PCDHGB2: variants seen among roughly 807,000 people sequenced by gnomAD.
PCDHGB2 encodes protocadherin gamma subfamily B, 2, also known as protocadherin gamma-B2.
PCDHGB2 carries 55 observed loss-of-function variants against 59.3 expected under a neutral mutation model. That is an observed-to-expected ratio of 0.93 (90% CI 0.75 to 1.16). The LOEUF (loss-of-function observed/expected upper bound fraction) is 1.16, where lower values mean the gene tolerates loss of function less well. Ranked by LOEUF, PCDHGB2 falls within the 50% of genes most tolerant of loss-of-function variation. The probability of loss-of-function intolerance (pLI) is 0.00; values close to 1 mark genes in which losing one functional copy is unlikely to be tolerated. For missense variants in PCDHGB2, 1,228 were observed against 1,198.5 expected, an observed-to-expected ratio of 1.02 and a Z score of -0.36; for synonymous variants, 516 against 512.0, an observed-to-expected ratio of 1.01 and a Z score of -0.11.
Position 141,511,225 on chromosome 5 carries a change from C to T in PCDHGB2, c.*52C>T, listed in dbSNP as rs2099883678. On this transcript the variant is annotated 3_prime_UTR_variant, in exon 4 of 4. Transcript: ENST00000522605. Reference sequence around the variant, plus strand: ...GGCGGCCTCTCCCCAACCAGCCCAGCTTCTCCTTACCTGCACCCAGGCCTC... The same window carrying T: ...GGCGGCCTCTCCCCAACCAGCCCAGTTTCTCCTTACCTGCACCCAGGCCTC... 1.9e-6 allele frequency: 3 copies of T among 1,601,506 alleles called. No individual in the cohort carries two copies. Among genetic ancestry groups the T allele is most frequent in the Non-Finnish European group, 2.6e-6 (3 of 1,174,170 alleles).
Position 141,511,107 on chromosome 5 carries a change from G to A in PCDHGB2, c.2730G>A (p.Arg910=), listed in dbSNP as rs2099883608. 1 of 1,614,220 alleles carries A rather than the reference G, an allele frequency of 6.2e-7. No homozygotes were observed. Among genetic ancestry groups the A allele is most frequent in the Non-Finnish European group, 8.5e-7 (1 of 1,180,020 alleles). Residue 910 remains arginine, a synonymous_variant, in exon 4 of 4, where the codon CGG becomes CGA. Coordinates refer to ENST00000522605, the MANE Select transcript of PCDHGB2 (RefSeq NM_018923.3). Reference sequence around the variant, plus strand: ...CACTGACCAACGCAGCTGGCAAGCGGGATGGCAAGGCCCCAGCAGGTGGCA... The same window carrying A: ...CACTGACCAACGCAGCTGGCAAGCGAGATGGCAAGGCCCCAGCAGGTGGCA... The part of the protein sequence containing the change: ...NATLTNAAGK[R]DGKAPAGGNG...
chr5:141,469,394 G>A lies in PCDHGB2; in HGVS notation c.2422-25413G>A, dbSNP rs550152670. Among the ~76,000 whole-genome samples the A allele has an allele frequency of 2.5e-4, 38 of 152,198 alleles. 1 individual carries two copies. The highest frequency in any genetic ancestry group is 8.4e-4 in the African/African-American group (35 of 41,514). On this transcript the variant is annotated intron_variant, in intron 1 of 3. Coordinates refer to ENST00000522605, the MANE Select transcript of PCDHGB2 (RefSeq NM_018923.3). ...GATCGAGACCATCCTGGCCAACATG[G>A]TGAAACCCCGTTTCTACTAAAAATA...
At chr5:141,366,053 G>T in intron 1 of PCDHGB2, 1 of 1,614,252 alleles carries the variant, frequency 6.2e-7, no homozygotes, top group Non-Finnish European at 8.5e-7. Context: ...TTCCACGGGC[G>T]TGGAGCTGGC....
At chr5:141,370,997 C>G in intron 1 of PCDHGB2, 5 of 1,613,984 alleles carry the variant, frequency 3.1e-6, no homozygotes, top group Non-Finnish European at 4.2e-6. Context: ...CACCCCTGGA[C>G]AGGGAAGAGC....
At chr5:141,383,059 C>A (rs1778767353) in intron 1 of PCDHGB2, 1 of 1,613,894 alleles carries the variant, frequency 6.2e-7, no homozygotes, top group Non-Finnish European at 8.5e-7. Flanking sequence ...GGACCTGGGG[C>A]TGGAGCCCCG....
Position 141,489,866 on chromosome 5 carries a change from A to AGCTGGT in PCDHGB2, c.2422-4937_2422-4932dup. ...GATCGTGAAGCCCAGGCAAGACATC[A>AGCTGGT]GCTGGTGCTTACTGCTGTGGATGGG... On this transcript the variant is annotated intron_variant, in intron 1 of 3. Coordinates refer to ENST00000522605, the MANE Select transcript of PCDHGB2 (RefSeq NM_018923.3). The surrounding 1 kb of genome is among the most constrained non-coding windows in gnomAD (Gnocchi z 4.5). The AGCTGGT allele has an allele frequency of 1.2e-6, 2 of 1,614,220 alleles. No individual in the cohort carries two copies. The highest frequency in any genetic ancestry group is 1.7e-6 in the Non-Finnish European group (2 of 1,180,018).
At chr5:141,392,744 CG>C (rs2092583694) in intron 1 of PCDHGB2, 1 of 1,439,038 alleles carries the variant, frequency 6.9e-7, no homozygotes, top group East Asian at 2.5e-5. Context: ...TCCATAGCTG[CG>C]GCAAGAAACT....
chr5:141,366,489 A>C (rs1280216684), intron 1 of PCDHGB2: 1 of 1,614,236 alleles, frequency 6.2e-7, no homozygotes, highest in Non-Finnish European at 8.5e-7. Flanking sequence ...AGGCGCTGGC[A>C]CAAGTCACGC....
At chr5:141,390,596 C>T (rs2092187528) in intron 1 of PCDHGB2, 1 of 329,834 alleles carries the variant, frequency 3.0e-6, no homozygotes. Context: ...GAGATTTTTC[C>T]TATACATTTT....
chr5:141,445,889 C>A (rs920382027), intron 1 of PCDHGB2, among the ~76,000 whole-genome samples: 6 of 152,110 alleles, frequency 3.9e-5, no homozygotes, highest in African/African-American at 1.4e-4. Context: ...TACTTAGGAG[C>A]TATTAAAATA....
chr5:141,438,789 G>C (rs970735448), intron 1 of PCDHGB2, among the ~76,000 whole-genome samples: 23 of 149,578 alleles, frequency 1.5e-4, no homozygotes, highest in African/African-American at 5.4e-4. Flanking sequence ...AGCCTCTCCA[G>C]TAGCTGGGAT....
chr5:141,413,599 C>G, intron 1 of PCDHGB2: 2 of 1,613,830 alleles, frequency 1.2e-6, no homozygotes, highest in East Asian at 2.2e-5. Flanking sequence ...AGCAGAAAAT[C>G]TAGACGTAAA....
intron 1 of PCDHGB2, chr5:141,400,083 C>T (rs1396687812): frequency 6.2e-7 from 1 of 1,614,048 alleles, no homozygotes; most frequent in Non-Finnish European, 8.5e-7. Context: ...CACTCTCCGC[C>T]ACCGCCACGC....
intron 1 of PCDHGB2, chr5:141,392,496 T>C (rs1357893523): frequency 4.6e-6 from 1 of 215,562 alleles, no homozygotes; most frequent in Non-Finnish European, 9.1e-6. Context: ...AATAAGCAAA[T>C]GATTTTTTTT....
chr5:141,469,036 G>T (rs1396748159), intron 1 of PCDHGB2, among the ~76,000 whole-genome samples: 2 of 152,076 alleles, frequency 1.3e-5, no homozygotes, highest in Non-Finnish European at 2.9e-5. Flanking sequence ...CAGCACTTTG[G>T]GAGGCCAAGG....
intron 1 of PCDHGB2, chr5:141,402,800 C>T: frequency 1.9e-6 from 2 of 1,072,726 alleles, no homozygotes; most frequent in African/African-American, 1.6e-5. Flanking sequence ...ACACAAAACC[C>T]GGCAGATACC....
chr5:141,432,096 A>G lies in PCDHGB2; in HGVS notation c.2422-62711A>G, dbSNP rs763154183. On this transcript the variant is annotated intron_variant, in intron 1 of 3. Transcript: ENST00000522605. This position sits in a 1 kb window ranked among gnomAD's most constrained non-coding sequence, Gnocchi z 6.0. Reference sequence around the variant, plus strand: ...ATCTCGCTGAACGTGGCAGACACCAACGACAACCCGCCGGTCTTCCCTCAG... The same window carrying G: ...ATCTCGCTGAACGTGGCAGACACCAGCGACAACCCGCCGGTCTTCCCTCAG... The G allele has an allele frequency of 1.9e-6, 3 of 1,613,944 alleles. No homozygotes were observed. Among genetic ancestry groups the G allele is most frequent in the East Asian group, 2.2e-5 (1 of 44,870 alleles).
At chr5:141,363,480 A>G (rs565177899) in intron 1 of PCDHGB2, among the ~76,000 whole-genome samples, 1 of 152,366 alleles carries the variant, frequency 6.6e-6, no homozygotes, top group East Asian at 1.9e-4. Flanking sequence ...GCTTTCCTGC[A>G]TGGATGATGA....
chr5:141,360,063 A>C lies in PCDHGB2; in HGVS notation c.-73A>C. Reference sequence around the variant, plus strand: ...ACAGAAAACAAAAGCAGGAAAAGTGACCTTAGCCCGGATTCTGCCATCCCC... The same window carrying C: ...ACAGAAAACAAAAGCAGGAAAAGTGCCCTTAGCCCGGATTCTGCCATCCCC... On this transcript the variant is annotated 5_prime_UTR_variant, in exon 1 of 4. Transcript: ENST00000522605. The C allele has an allele frequency of 6.9e-7, 1 of 1,455,012 alleles. No homozygotes were observed. Among genetic ancestry groups the C allele is most frequent in the Non-Finnish European group, 9.1e-7 (1 of 1,100,474 alleles). 90.1% of individuals were successfully genotyped at this position (1,455,012 alleles called of 1,614,324 possible). A position where few individuals can be genotyped will look rare whatever the true frequency, so the allele number is the denominator to read the frequency against.
Sources: allele counts gnomAD v4.1 joint callset (sites outside exome capture counted in the v4.1 genomes callset), GRCh38; gene constraint gnomAD v4.1.1; non-coding constraint Gnocchi (gnomAD v3.1); transcripts MANE v1.5; gene names NCBI Gene and HGNC (gene_info 2026-07-23, HGNC 2026-07-21).